MARCHF1: variants seen among roughly 807,000 people sequenced by gnomAD.
MARCHF1 encodes E3 ubiquitin-protein ligase MARCHF1.
A neutral mutation model predicts 54.2 loss-of-function variants in MARCHF1; 40 were observed. That is an observed-to-expected ratio of 0.74 (90% CI 0.57 to 0.96). MARCHF1 has a LOEUF of 0.96. Among genes scored for constraint, MARCHF1 ranks in the 40% least tolerant of loss-of-function variants. The pLI, the probability that MARCHF1 is intolerant of heterozygous loss-of-function variation, is 0.00. For synonymous variants in MARCHF1, 236 were observed against 236.3 expected, an observed-to-expected ratio of 1.00 and a Z score of 0.01; for missense variants, 586 against 656.5, an observed-to-expected ratio of 0.89 and a Z score of 1.17.
intron 2 of MARCHF1, among the ~76,000 whole-genome samples, chr4:164,012,329 CT>C (rs910532603): frequency 3.9e-5 from 6 of 152,074 alleles, no homozygotes; most frequent in Admixed American, 1.3e-4. Context: ...AAGACTGTAT[CT>C]TGCAACTTGG....
intron 2 of MARCHF1, among the ~76,000 whole-genome samples, chr4:164,003,841 G>A (rs771451442): frequency 6.6e-6 from 1 of 152,100 alleles, no homozygotes; most frequent in Non-Finnish European, 1.5e-5. Flanking sequence ...GCATGTGTAT[G>A]TTTATTGCAG....
At chr4:164,052,134 AGTTTTTTTTTTT>A (rs1029124255) in intron 2 of MARCHF1, among the ~76,000 whole-genome samples, 3 of 75,034 alleles carry the variant, frequency 4.0e-5, no homozygotes, top group African/African-American at 8.1e-5. Context: ...ATCTTTTGGA[AGTTTTTTTTTTT>A]GTTTTTTTTG....
chr4:164,195,721 T>C (rs1221152406), intron 1 of MARCHF1, among the ~76,000 whole-genome samples: 1 of 152,192 alleles, frequency 6.6e-6, no homozygotes, highest in Non-Finnish European at 1.5e-5. Flanking sequence ...TCTACAAAGA[T>C]AAGCCAATGA....
At chr4:163,934,399 T>A (rs537743607) in intron 3 of MARCHF1, among the ~76,000 whole-genome samples, 1 of 123,012 alleles carries the variant, frequency 8.1e-6, no homozygotes, top group Non-Finnish European at 1.8e-5. Context: ...TCTCTGCAAT[T>A]TTTTTTTTAA....
Position 163,526,583 on chromosome 4 carries a change from G to GTAT in MARCHF1, c.*2162_*2164dup, listed in dbSNP as rs1738113141. 1 of 151,944 alleles carries GTAT rather than the reference G, an allele frequency of 6.6e-6. No homozygotes were observed. The highest frequency in any genetic ancestry group is 1.5e-5 in the Non-Finnish European group (1 of 67,928). The allele number at this position is 151,944 out of a possible 1,614,324, so 9.4% of individuals were successfully genotyped here. On this transcript the variant is annotated 3_prime_UTR_variant, in exon 10 of 10. Transcript: ENST00000514618. ...ACCCACAGATTTGTTATTCATAAAT[G>GTAT]TATTTATCTTAAATATTTAAAATGG...
chr4:163,725,046 A>G (rs1745609578), intron 4 of MARCHF1, among the ~76,000 whole-genome samples: 1 of 152,076 alleles, frequency 6.6e-6, no homozygotes, highest in Non-Finnish European at 1.5e-5. Flanking sequence ...CCCCAGTGAG[A>G]TGAACCCAGT....
At chr4:163,814,537 T>A (rs1748482399) in intron 4 of MARCHF1, among the ~76,000 whole-genome samples, 1 of 152,062 alleles carries the variant, frequency 6.6e-6, no homozygotes, top group African/African-American at 2.4e-5. Flanking sequence ...TGAGCCGAGA[T>A]CAAGCCATTG....
At chr4:163,531,928 A>G (rs988001356) in intron 9 of MARCHF1, among the ~76,000 whole-genome samples, 2 of 151,914 alleles carry the variant, frequency 1.3e-5, no homozygotes, top group Admixed American at 6.6e-5. Flanking sequence ...TGAAGCTATG[A>G]TGAAGGAAAT....
At chr4:164,201,528 T>G (rs939950870) in intron 1 of MARCHF1, among the ~76,000 whole-genome samples, 5 of 152,166 alleles carry the variant, frequency 3.3e-5, no homozygotes, top group African/African-American at 1.2e-4. Context: ...CCAAGACTGA[T>G]TTTTTACAAT....
At chr4:163,740,849 G>A (rs1746174649) in intron 4 of MARCHF1, among the ~76,000 whole-genome samples, 2 of 152,146 alleles carry the variant, frequency 1.3e-5, no homozygotes, top group African/African-American at 4.8e-5. Flanking sequence ...GTTCACAAAA[G>A]ATACATAGTG....
chr4:163,627,071 G>A (rs761512093), intron 5 of MARCHF1, among the ~76,000 whole-genome samples: 1 of 152,174 alleles, frequency 6.6e-6, no homozygotes, highest in Non-Finnish European at 1.5e-5. Flanking sequence ...CTCAGGACTA[G>A]ATGGAAGTTT....
intron 1 of MARCHF1, among the ~76,000 whole-genome samples, chr4:164,231,253 A>G (rs1732406991): frequency 6.6e-6 from 1 of 152,176 alleles, no homozygotes; most frequent in Non-Finnish European, 1.5e-5. Context: ...ATAAAAGTAC[A>G]TGTCACCCCA....
intron 1 of MARCHF1, among the ~76,000 whole-genome samples, chr4:164,191,409 CATT>C (rs1731120187): frequency 6.6e-6 from 1 of 152,158 alleles, no homozygotes; most frequent in African/African-American, 2.4e-5. Context: ...TGTCATCACG[CATT>C]GTTATTTAAC....
intron 5 of MARCHF1, among the ~76,000 whole-genome samples, chr4:163,616,135 C>T (rs979387329): frequency 2.0e-5 from 3 of 152,084 alleles, no homozygotes; most frequent in South Asian, 2.1e-4. Flanking sequence ...ATGGAGAAAT[C>T]GCTTCAGGAC....
chr4:164,149,047 G>A (rs1729855633), intron 1 of MARCHF1, among the ~76,000 whole-genome samples: 1 of 152,160 alleles, frequency 6.6e-6, no homozygotes, highest in Non-Finnish European at 1.5e-5. Flanking sequence ...CTGTGGTAAT[G>A]AGTGAGTTTT....
intron 2 of MARCHF1, among the ~76,000 whole-genome samples, chr4:163,989,872 G>A (rs938066642): frequency 1.3e-5 from 2 of 152,092 alleles, no homozygotes; most frequent in Non-Finnish European, 2.9e-5. Context: ...CCCAAATGAA[G>A]CATAATTCAG....
chr4:163,911,089 TATTTTAG>T (rs1457166017), intron 3 of MARCHF1, among the ~76,000 whole-genome samples: 4 of 152,186 alleles, frequency 2.6e-5, no homozygotes, highest in Non-Finnish European at 5.9e-5. Flanking sequence ...CTTCAACTTT[TATTTTAG>T]ATTCAGGGGG....
chr4:164,091,285 G>A (rs1274834304), intron 2 of MARCHF1, among the ~76,000 whole-genome samples: 3 of 151,588 alleles, frequency 2.0e-5, no homozygotes, highest in Non-Finnish European at 4.4e-5. Context: ...CATAACACAT[G>A]CACATCATTT....
At chr4:163,959,327 CAACAAA>C (rs1388419375) in intron 3 of MARCHF1, among the ~76,000 whole-genome samples, 1 of 127,958 alleles carries the variant, frequency 7.8e-6, no homozygotes, top group Non-Finnish European at 1.7e-5. Flanking sequence ...ACAACAACAA[CAACAAA>C]AAAAAAAAAC....
Sources: gnomAD v4.1 joint callset for allele counts (sites outside exome capture counted in the v4.1 genomes callset) on GRCh38, gnomAD v4.1.1 for gene constraint, MANE v1.5 for transcripts, NCBI Gene and HGNC (gene_info 2026-07-23, HGNC 2026-07-21) for gene names.